The following CHD2 variants were observed in gnomAD, a reference collection of about 807,000 sequenced individuals.
CHD2 encodes ATP-dependent chromatin remodeler CHD2.
Under a neutral mutation model 243.9 loss-of-function variants are expected in CHD2, and 28 were observed. That is an observed-to-expected ratio of 0.11 (90% CI 0.09 to 0.16). CHD2 has a LOEUF of 0.16. CHD2 is among the 10% of genes least tolerant of loss of function. The pLI, the probability that CHD2 is intolerant of heterozygous loss-of-function variation, is 1.00. For synonymous variants in CHD2, 775 were observed against 779.0 expected, an observed-to-expected ratio of 0.99 and a Z score of 0.09; for missense variants, 1,386 against 2,209.8, an observed-to-expected ratio of 0.63 and a Z score of 7.47.
rs1049595414 is a variant in CHD2, at chr15:92,997,159, C to T, written c.3734+64C>T. 2 of 1,604,118 alleles carry T rather than the reference C, an allele frequency of 1.2e-6. No individual in the cohort carries two copies. The highest frequency in any genetic ancestry group is 1.7e-6 in the Non-Finnish European group (2 of 1,175,910). On this transcript the variant is annotated intron_variant, in intron 29 of 38. Coordinates refer to ENST00000394196, the MANE Select transcript of CHD2 (RefSeq NM_001271.4). This position sits in a 1 kb window ranked among gnomAD's most constrained non-coding sequence, Gnocchi z 4.1. The stretch of plus-strand genomic sequence containing the variant: ...GTAAGAAAATAGATTTGAAGTTAGA[C>T]TTTGTGTAGTTCCATAGTATTTTTA...
chr15:92,972,772 A>T (rs1440993987), intron 19 of CHD2, among the ~76,000 whole-genome samples: 2 of 15,356 alleles, frequency 1.3e-4, no homozygotes, highest in African/African-American at 2.2e-4. Flanking sequence ...AATGGCGTGA[A>T]CCCGGGAGGC....
intron 32 of CHD2, 56 bp from the exon 33 acceptor site, chr15:93,002,121 A>G: frequency 1.3e-6 from 2 of 1,556,792 alleles, no homozygotes; most frequent in Non-Finnish European, 1.7e-6. Flanking sequence ...TCCAGAAAGT[A>G]CATAAGTAGA....
At chr15:92,908,813 G>T (rs1191715759) in intron 2 of CHD2, among the ~76,000 whole-genome samples, 1 of 152,138 alleles carries the variant, frequency 6.6e-6, no homozygotes, top group African/African-American at 2.4e-5. Context: ...CCAGTTCTAG[G>T]CATACCTTTA....
chr15:93,017,492 A>ATT lies in CHD2; in HGVS notation c.4907-2494_4907-2493dup, dbSNP rs760713016. 3.4e-3 allele frequency among the ~76,000 whole-genome samples: 327 copies of ATT among 96,830 alleles called. 14 individuals are homozygous for ATT. The highest frequency in any genetic ancestry group is 6.4e-3 in the African/African-American group (159 of 25,036). 63.5% of individuals were successfully genotyped at this position (96,830 alleles called of 152,430 possible). A position where few individuals can be genotyped will look rare whatever the true frequency, so the allele number is the denominator to read the frequency against. On this transcript the variant is annotated intron_variant, in intron 37 of 38. Coordinates refer to ENST00000394196, the MANE Select transcript of CHD2 (RefSeq NM_001271.4). The stretch of plus-strand genomic sequence containing the variant: ...AGGCACACACCACCATGCCGGGCTA[A>ATT]TTTTTTTTTTTTTTTTTTTTTTTTT...
At chr15:93,011,326 G>A (rs1281294331) in intron 35 of CHD2, among the ~76,000 whole-genome samples, 1 of 152,210 alleles carries the variant, frequency 6.6e-6, no homozygotes, top group Non-Finnish European at 1.5e-5. Context: ...AGAGTAGTCA[G>A]GAAGGAAGGT....
chr15:92,901,047 T>G, intron 1 of CHD2, 120 bp from the exon 2 acceptor site: 1 of 597,696 alleles, frequency 1.7e-6, no homozygotes, highest in South Asian at 2.2e-5. Context: ...AATATTTAGT[T>G]TTTTGGTGCT....
At chr15:93,017,540 T>C (rs1298353058) in intron 37 of CHD2, among the ~76,000 whole-genome samples, 3 of 139,932 alleles carry the variant, frequency 2.1e-5, no homozygotes, top group Admixed American at 1.6e-4. Flanking sequence ...ACAGACAGGG[T>C]CTCACCATGT....
At chr15:92,999,077 C>G (rs1427624499) in intron 31 of CHD2, among the ~76,000 whole-genome samples, 10 of 90,610 alleles carry the variant, frequency 1.1e-4, no homozygotes, top group Non-Finnish European at 1.8e-4. Flanking sequence ...GAGCGAGACT[C>G]CGTCTCAAAA....
At chr15:93,000,950 T>C (rs548608597) in intron 32 of CHD2, among the ~76,000 whole-genome samples, 1 of 152,138 alleles carries the variant, frequency 6.6e-6, no homozygotes, top group Non-Finnish European at 1.5e-5. Flanking sequence ...CTCGCTGCAA[T>C]CTCTGCCTCC....
intron 2 of CHD2, chr15:92,921,271 C>T (rs1203239369): frequency 6.6e-6 from 1 of 152,216 alleles, no homozygotes; most frequent in Non-Finnish European, 1.5e-5. Context: ...GGGAGCAATG[C>T]TAGGTCTAGA....
At chr15:92,905,081 G>C in intron 2 of CHD2, 1 of 1,310,758 alleles carries the variant, frequency 7.6e-7, no homozygotes, top group Non-Finnish European at 1.0e-6. Flanking sequence ...AAAATTTCAC[G>C]TTCAATAACA....
chr15:92,958,062 G>A (rs1486538548), intron 16 of CHD2, among the ~76,000 whole-genome samples: 1 of 152,126 alleles, frequency 6.6e-6, no homozygotes, highest in African/African-American at 2.4e-5. Flanking sequence ...GGATTGCTTT[G>A]TTTTGGGGTT....
intron 35 of CHD2, among the ~76,000 whole-genome samples, chr15:93,011,205 C>T (rs2054389882): frequency 6.6e-6 from 1 of 152,094 alleles, no homozygotes; most frequent in Non-Finnish European, 1.5e-5. Flanking sequence ...AGGTCCTCGC[C>T]CTTTACAAGT....
chr15:92,935,099 G>T (rs1233659972), intron 5 of CHD2, among the ~76,000 whole-genome samples: 1 of 148,312 alleles, frequency 6.7e-6, no homozygotes, highest in Non-Finnish European at 1.5e-5. Context: ...GCAGTGGCCC[G>T]ATCTCGGCCC....
At chr15:92,943,770 T>C (rs1196012024) in intron 9 of CHD2, 2 of 152,634 alleles carry the variant, frequency 1.3e-5, no homozygotes, top group Non-Finnish European at 2.9e-5. Context: ...TATTTTTGTG[T>C]CTGGAATGTG....
rs2052744804 is a variant in CHD2 at position 92,911,964 on chromosome 15, G to A, written c.62+10665G>A. Among the ~76,000 whole-genome samples the A allele has an allele frequency of 2.0e-5, 3 of 152,174 alleles. 1 individual carries two copies. The South Asian group carries it at 6.2e-4, about 32-fold the overall frequency. On this transcript the variant is annotated intron_variant, in intron 2 of 38. Transcript: ENST00000394196. ...CATGACTCTACATCAAAAGATTCTA[G>A]TTAAAATGTTGCCCTGAAGTGATGC...
Position 92,998,404 on chromosome 15 carries a change from A to C in CHD2, c.3886-95A>C. On this transcript the variant is annotated intron_variant, in intron 30 of 38. Transcript: ENST00000394196. This position sits in a 1 kb window ranked among gnomAD's most constrained non-coding sequence, Gnocchi z 5.1. ...TATATTTTGGGTGGTTGGGGAGGGA[A>C]AGGACTGTGCTCAGTTTTTGTTGTC... 2 of 1,539,602 alleles carry C rather than the reference A, an allele frequency of 1.3e-6. No individual in the cohort carries two copies. The highest frequency in any genetic ancestry group is 1.8e-6 in the Non-Finnish European group (2 of 1,134,310).
intron 37 of CHD2, among the ~76,000 whole-genome samples, chr15:93,018,661 A>G (rs1270496097): frequency 6.6e-6 from 1 of 152,180 alleles, no homozygotes; most frequent in Non-Finnish European, 1.5e-5. Flanking sequence ...TTCCTTCTGG[A>G]GGCTCCGAGG....
intron 17 of CHD2, among the ~76,000 whole-genome samples, chr15:92,968,774 A>C (rs147398648): frequency 3.0e-4 from 45 of 152,380 alleles, no homozygotes; most frequent in Admixed American, 5.9e-4. Context: ...TTATGAACTC[A>C]TCAATTACAC....
Sources: gnomAD v4.1 joint callset for allele counts (sites outside exome capture counted in the v4.1 genomes callset) on GRCh38, gnomAD v4.1.1 for gene constraint, Gnocchi (gnomAD v3.1) non-coding constraint, MANE v1.5 for transcripts, NCBI Gene and HGNC (gene_info 2026-07-23, HGNC 2026-07-21) for gene names.